The following TMEM164 variants were observed in gnomAD, a reference collection of about 807,000 sequenced individuals.
TMEM164 encodes RP13-360B22.2.
In TMEM164, 4 loss-of-function variants were observed where a neutral mutation model predicts 18.8. The observed-to-expected ratio is 0.21, with a 90% confidence interval of 0.10 to 0.49. The LOEUF (loss-of-function observed/expected upper bound fraction) is 0.49. Among genes scored for constraint, TMEM164 ranks in the 20% least tolerant of loss-of-function variants. The probability of loss-of-function intolerance (pLI) is 0.98; values close to 1 mark genes in which losing one functional copy is unlikely to be tolerated. For synonymous variants in TMEM164, 86 were observed against 101.7 expected (o/e 0.85, Z 0.93); for missense variants, 108 against 239.9 (o/e 0.45, Z 3.63).
At chrX:110,012,607 T>C (rs1294393838) in intron 2 of TMEM164, among the ~76,000 whole-genome samples, 1 of 112,061 alleles carries the variant, frequency 8.9e-6, no homozygotes, top group Non-Finnish European at 1.9e-5. Context: ...ATCCATGCCT[T>C]GCCACCCTAC....
At chrX:110,032,477 A>T in intron 2 of TMEM164, among the ~76,000 whole-genome samples, 1 of 111,070 alleles carries the variant, frequency 9.0e-6, no homozygotes. Flanking sequence ...AAGCTTAGTT[A>T]ATTGCCTTCA....
At chrX:110,020,968 TAAAAAAAAA>T (rs147367236) in intron 2 of TMEM164, among the ~76,000 whole-genome samples, 4 of 43,636 alleles carry the variant, frequency 9.2e-5, no homozygotes, top group African/African-American at 3.0e-4. Context: ...CCCCTTTTTC[TAAAAAAAAA>T]AAAAAAAAAA....
At chrX:110,137,443 A>G (rs1282334066) in intron 4 of TMEM164, among the ~76,000 whole-genome samples, 2 of 110,416 alleles carry the variant, frequency 1.8e-5, no homozygotes, top group African/African-American at 6.6e-5. Flanking sequence ...TGGCAATTCA[A>G]CTTCCTTACC....
At chrX:110,022,774 A>G (rs1933969605) in intron 2 of TMEM164, among the ~76,000 whole-genome samples, 1 of 112,357 alleles carries the variant, frequency 8.9e-6, no homozygotes, top group Admixed American at 9.4e-5. Context: ...CAGGGAACTT[A>G]TTATCAAGGC....
Position 110,051,523 on chromosome X carries a change from G to A in TMEM164, c.391-15824G>A, listed in dbSNP as rs748499280. On this transcript the variant is annotated intron_variant, in intron 2 of 6. Coordinates refer to ENST00000372068, the MANE Select transcript of TMEM164 (RefSeq NM_032227.4). ...AAGCACTAAAGCTTAAGAATTTAAA[G>A]AGGCTTACTGTGACCCCCCTGTCAT... Among the ~76,000 whole-genome samples, 3 of 108,437 alleles carry A rather than the reference G, an allele frequency of 2.8e-5. No individual in the cohort carries two copies. In the East Asian group the frequency reaches 8.6e-4, roughly 31 times the overall value. The allele number at this position is 108,437 out of a possible 115,157, so 94.2% of individuals were successfully genotyped here.
chrX:110,117,938 A>T (rs1237425773), intron 4 of TMEM164, among the ~76,000 whole-genome samples: 1 of 111,538 alleles, frequency 9.0e-6, no homozygotes, highest in Non-Finnish European at 1.9e-5. Context: ...TTTTTTTTGA[A>T]GTCTCAGTCT....
intron 2 of TMEM164, among the ~76,000 whole-genome samples, chrX:110,035,849 G>A (rs914507744): frequency 9.4e-6 from 1 of 106,757 alleles, no homozygotes; most frequent in African/African-American, 3.5e-5. Context: ...ACATTATTTT[G>A]TAGGTCACTT....
At chrX:110,159,520 C>T (rs1311203078) in intron 5 of TMEM164, among the ~76,000 whole-genome samples, 3 of 110,079 alleles carry the variant, frequency 2.7e-5, no homozygotes, top group Non-Finnish European at 3.8e-5. Context: ...TGAGGAGGTT[C>T]AGGAGGCCAC....
In TMEM164 at chrX:110,059,003, T is replaced by C. The variant is rs372485842; in HGVS notation, c.391-8344T>C. ...ATTTTAATTTTGGTGAAGTACAGTA[T>C]ATTTATTTTTTCTTTTGTTGCTTGT... On this transcript the variant is annotated intron_variant, in intron 2 of 6. Transcript: ENST00000372068. Among the ~76,000 whole-genome samples the C allele has an allele frequency of 8.1e-5, 9 of 110,958 alleles. No homozygotes were observed. In the East Asian group the frequency reaches 1.4e-3, roughly 17 times the overall value.
chrX:110,158,478 C>T (rs1427930391), intron 5 of TMEM164, among the ~76,000 whole-genome samples: 18 of 112,032 alleles, frequency 1.6e-4, no homozygotes, highest in East Asian at 2.8e-4. Context: ...AATCCTGCAA[C>T]GCACTGTATT....
intron 5 of TMEM164, among the ~76,000 whole-genome samples, chrX:110,170,063 C>T (rs1211862285): frequency 8.9e-6 from 1 of 112,100 alleles, no homozygotes; most frequent in African/African-American, 3.2e-5. Context: ...GAGGCTAGTA[C>T]CTGCTAACTG....
chrX:110,032,920 G>T lies in TMEM164; in HGVS notation c.390+28756G>T, dbSNP rs1009045364. ...TATGGCCAATTTTGGTAGACAGATAGTTGCCGGCTAAAACAAAGCATGTAT... is the reference window on the plus strand; with the variant it reads ...TATGGCCAATTTTGGTAGACAGATATTTGCCGGCTAAAACAAAGCATGTAT... On this transcript the variant is annotated intron_variant, in intron 2 of 6. Coordinates refer to ENST00000372068, the MANE Select transcript of TMEM164 (RefSeq NM_032227.4). Among the ~76,000 whole-genome samples, 3 of 112,292 alleles carry T rather than the reference G, an allele frequency of 2.7e-5. No homozygotes were observed. In the South Asian group the frequency reaches 1.1e-3, roughly 41 times the overall value.
chrX:110,182,554 G>A (rs2067327670), downstream of TMEM164: 2 of 111,845 alleles, frequency 1.8e-5, no homozygotes, highest in Non-Finnish European at 3.8e-5. Context: ...GCTTCCCTGG[G>A]GAACTCCTAG....
intron 2 of TMEM164, among the ~76,000 whole-genome samples, chrX:110,017,486 C>CTTTCTTT (rs1933493538): frequency 4.4e-4 from 2 of 4,542 alleles, no homozygotes; most frequent in South Asian, 0.018. Flanking sequence ...CTCCCTCCCT[C>CTTTCTTT]CCTCCCTCCC....
At chrX:110,129,585 T>A (rs1233207439) in intron 4 of TMEM164, among the ~76,000 whole-genome samples, 1 of 112,898 alleles carries the variant, frequency 8.9e-6, no homozygotes, top group Admixed American at 9.3e-5. Context: ...AAAACAATTT[T>A]AAAAATATTT....
intron 5 of TMEM164, among the ~76,000 whole-genome samples, chrX:110,156,980 G>C (rs765756490): frequency 8.9e-6 from 1 of 112,009 alleles, no homozygotes; most frequent in South Asian, 3.7e-4. Context: ...GGTGCTTATA[G>C]GCTATCTAGG....
At chrX:110,144,583 T>C (rs2066824228) in intron 4 of TMEM164, among the ~76,000 whole-genome samples, 1 of 111,468 alleles carries the variant, frequency 9.0e-6, no homozygotes, top group South Asian at 3.7e-4. Context: ...ACAAGTACCT[T>C]CTCTACAAAA....
At chrX:110,071,907 A>T (rs1039662799) in intron 3 of TMEM164, among the ~76,000 whole-genome samples, 1 of 109,790 alleles carries the variant, frequency 9.1e-6, no homozygotes, top group Non-Finnish European at 1.9e-5. Flanking sequence ...TCTTTTAAAA[A>T]AAACAAGTTT....
chrX:110,035,814 A>G (rs1443464784), intron 2 of TMEM164, among the ~76,000 whole-genome samples: 2 of 108,055 alleles, frequency 1.9e-5, no homozygotes, highest in Non-Finnish European at 3.8e-5. Flanking sequence ...TAAAAAGTTT[A>G]CTCTTGTACA....
Sources: gnomAD v4.1 joint callset for allele counts (sites outside exome capture counted in the v4.1 genomes callset) on GRCh38, gnomAD v4.1.1 for gene constraint, MANE v1.5 for transcripts, NCBI Gene and HGNC (gene_info 2026-07-23, HGNC 2026-07-21) for gene names.